The following EIF4G3 variants were observed in gnomAD, a reference collection of about 807,000 sequenced individuals.
EIF4G3 encodes eIF-4-gamma 3.
In EIF4G3, 34 loss-of-function variants were observed where a neutral mutation model predicts 186.4. The ratio of observed to expected loss-of-function variants is 0.18; its 90% confidence interval spans 0.14 to 0.24. The LOEUF (loss-of-function observed/expected upper bound fraction) is 0.24. EIF4G3 is among the 10% of genes least tolerant of loss of function. The pLI is 1.00. For missense variants in EIF4G3, 1,536 were observed against 1,948.5 expected, an observed-to-expected ratio of 0.79 and a Z score of 3.99; for synonymous variants, 673 against 679.5, an observed-to-expected ratio of 0.99 and a Z score of 0.15.
chr1:20,995,388 T>C (rs1238517886), intron 7 of EIF4G3, among the ~76,000 whole-genome samples: 1 of 152,134 alleles, frequency 6.6e-6, no homozygotes, highest in African/African-American at 2.4e-5. Context: ...TTTTTGTGTT[T>C]TGAGATGGGA....
intron 15 of EIF4G3, among the ~76,000 whole-genome samples, chr1:20,904,541 G>C (rs1381424608): frequency 6.6e-6 from 1 of 152,024 alleles, no homozygotes; most frequent in East Asian, 1.9e-4. Context: ...TACAGTCAGG[G>C]TCTCCTTATG....
At chr1:20,962,927 T>G (rs12088654) in intron 12 of EIF4G3, among the ~76,000 whole-genome samples, 1 of 151,072 alleles carries the variant, frequency 6.6e-6, no homozygotes, top group East Asian at 1.9e-4. Context: ...TTGTTTTTTT[T>G]TTTTTTGAGA....
intron 27 of EIF4G3, among the ~76,000 whole-genome samples, chr1:20,853,190 A>T (rs1557924022): frequency 6.6e-6 from 1 of 152,178 alleles, no homozygotes; most frequent in Non-Finnish European, 1.5e-5. Flanking sequence ...ACAACCTCAA[A>T]TATAACATGA....
intron 20 of EIF4G3, among the ~76,000 whole-genome samples, chr1:20,868,760 G>A (rs1053625376): frequency 3.9e-5 from 6 of 152,192 alleles, no homozygotes; most frequent in African/African-American, 1.4e-4. Flanking sequence ...CAGGGAGCAA[G>A]GGAGTCGGTG....
chr1:21,056,581 A>G (rs1322182799), intron 3 of EIF4G3, among the ~76,000 whole-genome samples: 4 of 152,214 alleles, frequency 2.6e-5, no homozygotes. Context: ...ATTTACACTA[A>G]AATTTAAATA....
rs568561491 is a variant in EIF4G3, at chr1:21,124,824, G to C, written c.-271-35611C>G. On this transcript the variant is annotated intron_variant, in intron 2 of 36. Transcript: ENST00000602326. ...TCAAGTTAAAGAACTTCATTTTTGT[G>C]AAAGCAAATACTAAGGAAAAATTTA... is the stretch of plus-strand genomic sequence containing the variant. 3.9e-4 allele frequency among the ~76,000 whole-genome samples: 60 copies of C among 152,192 alleles called. No individual in the cohort carries two copies. The South Asian group carries it at 0.011, about 29-fold the overall frequency.
intron 4 of EIF4G3, among the ~76,000 whole-genome samples, chr1:21,041,037 G>A (rs1005846942): frequency 4.0e-5 from 6 of 151,892 alleles, no homozygotes; most frequent in African/African-American, 9.7e-5. Context: ...TGAATTTGCC[G>A]TGATTCTGGG....
At position 20,970,875 on chromosome 1, in the gene EIF4G3, A is replaced by T. The variant is rs559594767; in HGVS notation, c.592-1279T>A. ...GCTACTTGGGAGATTGAGGCAGGAGAATCGCTTGAACCCAGGAGGCGGAGG... is the reference window on the plus strand; with the variant it reads ...GCTACTTGGGAGATTGAGGCAGGAGTATCGCTTGAACCCAGGAGGCGGAGG... On this transcript the variant is annotated intron_variant, in intron 11 of 36. Transcript: ENST00000602326. 1.4e-4 allele frequency among the ~76,000 whole-genome samples: 22 copies of T among 151,996 alleles called. No individual in the cohort carries two copies. The East Asian group carries it at 3.9e-3, about 27-fold the overall frequency.
At chr1:21,054,959 T>C (rs950294134) in intron 3 of EIF4G3, among the ~76,000 whole-genome samples, 6 of 152,188 alleles carry the variant, frequency 3.9e-5, no homozygotes, top group African/African-American at 1.4e-4. Flanking sequence ...TTTAAATAAC[T>C]TTGATTATGA....
chr1:20,829,124 C>A (rs764415022), intron 31 of EIF4G3, 23 bp downstream of exon 31: 1 of 1,611,882 alleles, frequency 6.2e-7, no homozygotes, highest in Non-Finnish European at 8.5e-7. Flanking sequence ...TGATATATAT[C>A]AAGAGAAACA....
chr1:21,166,123 C>CTTTTTTTTTTTTT (rs1573668577), intron 2 of EIF4G3, among the ~76,000 whole-genome samples: 95 of 105,454 alleles, frequency 9.0e-4, no homozygotes, highest in South Asian at 1.2e-3. Context: ...CTTTTTTTTC[C>CTTTTTTTTTTTTT]TTTTAAAAAT....
intron 7 of EIF4G3, among the ~76,000 whole-genome samples, chr1:20,984,414 T>C (rs1460609757): frequency 1.3e-5 from 2 of 152,028 alleles, no homozygotes; most frequent in African/African-American, 4.8e-5. Flanking sequence ...TCCGCCCACC[T>C]TGGCCTCCCC....
At chr1:21,023,261 C>CCTCCCT (rs1354673659) in intron 4 of EIF4G3, among the ~76,000 whole-genome samples, 3,143 of 115,672 alleles carry the variant, frequency 0.027, 168 homozygotes, top group East Asian at 0.1. Flanking sequence ...CCCCCCTCCC[C>CCTCCCT]CTCCCTCTCC....
At chr1:20,819,166 G>C (rs186391989) in intron 33 of EIF4G3, among the ~76,000 whole-genome samples, 30 of 152,158 alleles carry the variant, frequency 2.0e-4, no homozygotes, top group African/African-American at 6.3e-4. Flanking sequence ...ATGCAAAAAA[G>C]CACAACATGA....
At chr1:21,002,044 A>G (rs577310312) in intron 5 of EIF4G3, among the ~76,000 whole-genome samples, 1 of 152,346 alleles carries the variant, frequency 6.6e-6, no homozygotes, top group South Asian at 2.1e-4. Context: ...GCAGGAAACG[A>G]TGTTCTAAGG....
chr1:20,831,933 TG>T (rs1395023561), intron 30 of EIF4G3, among the ~76,000 whole-genome samples: 1 of 137,628 alleles, frequency 7.3e-6, no homozygotes, highest in South Asian at 2.6e-4. Flanking sequence ...ACAAAGGACA[TG>T]AACTCATCAT....
intron 4 of EIF4G3, among the ~76,000 whole-genome samples, chr1:21,032,469 T>C (rs1304078030): frequency 6.6e-6 from 1 of 152,158 alleles, no homozygotes; most frequent in Admixed American, 6.5e-5. Flanking sequence ...TAATAGATAG[T>C]GCATCCTCTC....
chr1:21,030,055 G>C lies in EIF4G3; in HGVS notation c.-67+20811C>G, dbSNP rs556913647. 1.7e-4 allele frequency among the ~76,000 whole-genome samples: 26 copies of C among 152,128 alleles called. No homozygotes were observed. In the South Asian group the frequency reaches 5.2e-3, roughly 30 times the overall value. Reference sequence around the variant, plus strand: ...AAATTTTTTGTGGAGACAGGGTCTTGCTTTGCTGGACCAGATGTTTGAGGC... The same window carrying C: ...AAATTTTTTGTGGAGACAGGGTCTTCCTTTGCTGGACCAGATGTTTGAGGC... On this transcript the variant is annotated intron_variant, in intron 4 of 36. Transcript: ENST00000602326.
At chr1:21,044,323 T>C (rs1346907090) in intron 4 of EIF4G3, among the ~76,000 whole-genome samples, 1 of 152,190 alleles carries the variant, frequency 6.6e-6, no homozygotes, top group East Asian at 1.9e-4. Context: ...TATAAAATAT[T>C]CATATTTATA....
Sources: gnomAD v4.1 joint callset for allele counts (sites outside exome capture counted in the v4.1 genomes callset) on GRCh38, gnomAD v4.1.1 for gene constraint, MANE v1.5 for transcripts, NCBI Gene and HGNC (gene_info 2026-07-23, HGNC 2026-07-21) for gene names.